The following UNC5A variants were observed in gnomAD, a reference collection of about 807,000 sequenced individuals.
The protein encoded by UNC5A is unc-5 netrin receptor A, also known as netrin receptor UNC5A.
In UNC5A, 20 loss-of-function variants were observed where a neutral mutation model predicts 87.4. The observed-to-expected ratio is 0.23, with a 90% CI of 0.16 to 0.33. The LOEUF (loss-of-function observed/expected upper bound fraction) is 0.33, where lower values mean the gene tolerates loss of function less well. UNC5A is among the 10% of genes least tolerant of loss of function. UNC5A has a pLI of 1.00. For synonymous variants in UNC5A, 438 were observed against 482.3 expected, an observed-to-expected ratio of 0.91 and a Z score of 1.20; for missense variants, 844 against 1,133.4, an observed-to-expected ratio of 0.74 and a Z score of 3.67.
chr5:176,849,501 C>T (rs1273431706), intron 1 of UNC5A, among the ~76,000 whole-genome samples: 1 of 152,210 alleles, frequency 6.6e-6, no homozygotes, highest in Non-Finnish European at 1.5e-5. Flanking sequence ...AGGAAAATCC[C>T]TTCAACCAGG....
At chr5:176,849,649 C>T (rs923073896) in intron 1 of UNC5A, among the ~76,000 whole-genome samples, 4 of 152,206 alleles carry the variant, frequency 2.6e-5, no homozygotes, top group African/African-American at 9.6e-5. Context: ...CCACTTTTCC[C>T]AGCCCCACCC....
chr5:176,840,175 C>A (rs1317552896), intron 1 of UNC5A, among the ~76,000 whole-genome samples: 1 of 152,142 alleles, frequency 6.6e-6, no homozygotes, highest in Admixed American at 6.5e-5. Flanking sequence ...AAAGTGTGAA[C>A]CTTCTTCACG....
chr5:176,836,950 A>G (rs971485579), intron 1 of UNC5A, among the ~76,000 whole-genome samples: 1 of 152,180 alleles, frequency 6.6e-6, no homozygotes, highest in African/African-American at 2.4e-5. Context: ...CTGATGTCAG[A>G]GGAAGTCCCT....
intron 1 of UNC5A, among the ~76,000 whole-genome samples, chr5:176,825,343 A>G (rs1203441802): frequency 6.6e-6 from 1 of 152,026 alleles, no homozygotes; most frequent in Non-Finnish European, 1.5e-5. Context: ...TAAGGTTTTG[A>G]GCAGGAGGGG....
At chr5:176,839,634 C>A (rs899067588) in intron 1 of UNC5A, among the ~76,000 whole-genome samples, 5 of 152,236 alleles carry the variant, frequency 3.3e-5, no homozygotes, top group Admixed American at 1.3e-4. Context: ...CCTGAAACTG[C>A]CCTGGCAGGG....
At chr5:176,840,526 C>G (rs1757249366) in intron 1 of UNC5A, among the ~76,000 whole-genome samples, 1 of 152,256 alleles carries the variant, frequency 6.6e-6, no homozygotes, top group African/African-American at 2.4e-5. Context: ...CTCTTCATCT[C>G]TTTCTGCCTT....
At chr5:176,862,533 C>A in intron 1 of UNC5A, 91 bp from the exon 2 acceptor site, 1 of 1,259,712 alleles carries the variant, frequency 7.9e-7, no homozygotes, top group Non-Finnish European at 1.1e-6. Context: ...TCCCATCTGC[C>A]CCAACCCACG....
chr5:176,863,147 G>A (rs1170407595), intron 2 of UNC5A, among the ~76,000 whole-genome samples: 1 of 152,234 alleles, frequency 6.6e-6, no homozygotes, highest in Non-Finnish European at 1.5e-5. Context: ...CGCCACCCTC[G>A]GAGCCCAAGT....
intron 1 of UNC5A, among the ~76,000 whole-genome samples, chr5:176,831,027 C>G (rs962025851): frequency 6.6e-6 from 1 of 151,772 alleles, no homozygotes; most frequent in East Asian, 1.9e-4. Flanking sequence ...GTTCCTGCAG[C>G]CTCGCTCTGT....
At position 176,866,117 on chromosome 5, in the gene UNC5A, C is replaced by T. The variant is rs978251842; in HGVS notation, c.293-2013C>T. Among the ~76,000 whole-genome samples the T allele has an allele frequency of 3.9e-5, 6 of 152,176 alleles. No homozygotes were observed. Among genetic ancestry groups the T allele is most frequent in the South Asian group, 4.1e-4 (2 of 4,826 alleles). ...ACACACCCGCCCAGGCCCACTGGCC[C>T]GGGGTCCCTCCCCAGGGCTGGCACC... On this transcript the variant is annotated intron_variant, in intron 2 of 14. Transcript: ENST00000329542. This position sits in a 1 kb window ranked among gnomAD's most constrained non-coding sequence, Gnocchi z 5.0.
intron 2 of UNC5A, among the ~76,000 whole-genome samples, chr5:176,867,121 A>T (rs905465089): frequency 6.6e-6 from 1 of 152,230 alleles, no homozygotes; most frequent in Non-Finnish European, 1.5e-5. Flanking sequence ...ATGGAAACAC[A>T]TTGGCTGCCG....
chr5:176,866,526 G>T lies in UNC5A; in HGVS notation c.293-1604G>T, dbSNP rs1182886245. On this transcript the variant is annotated intron_variant, in intron 2 of 14. Coordinates refer to ENST00000329542, the MANE Select transcript of UNC5A (RefSeq NM_133369.3). This position sits in a 1 kb window ranked among gnomAD's most constrained non-coding sequence, Gnocchi z 5.0. ...GGTGAGGCTCCTGAAGGAGGGCCGG[G>T]CTCCCCACAGCACCACGGGGGATGG... 6.6e-6 allele frequency among the ~76,000 whole-genome samples: 1 copy of T among 152,182 alleles called. No individual in the cohort carries two copies. Among genetic ancestry groups the T allele is most frequent in the Non-Finnish European group, 1.5e-5 (1 of 68,026 alleles).
chr5:176,816,653 G>C (rs943752639), intron 1 of UNC5A, among the ~76,000 whole-genome samples: 1 of 152,258 alleles, frequency 6.6e-6, no homozygotes, highest in Non-Finnish European at 1.5e-5. Context: ...TCCCTGCATG[G>C]CTTCAGTTTC....
In UNC5A at chr5:176,865,184, G is replaced by A. The variant is rs1358905342; in HGVS notation, c.292+2339G>A. Among the ~76,000 whole-genome samples, 1 of 152,202 alleles carries A rather than the reference G, an allele frequency of 6.6e-6. No homozygotes were observed. Among genetic ancestry groups the A allele is most frequent in the African/African-American group, 2.4e-5 (1 of 41,444 alleles). Reference sequence around the variant, plus strand: ...TCCCTTCAGCATAAGTTCTCCCACTGCTGTGGCAGGTCCCCCAGGGAAAGC... The same window carrying A: ...TCCCTTCAGCATAAGTTCTCCCACTACTGTGGCAGGTCCCCCAGGGAAAGC... On this transcript the variant is annotated intron_variant, in intron 2 of 14. Coordinates refer to ENST00000329542, the MANE Select transcript of UNC5A (RefSeq NM_133369.3). This position sits in a 1 kb window ranked among gnomAD's most constrained non-coding sequence, Gnocchi z 5.3.
Position 176,848,283 on chromosome 5 carries a change from A to G in UNC5A, c.71-14341A>G, listed in dbSNP as rs111961162. The stretch of plus-strand genomic sequence containing the variant: ...GCTTCTCTCTCCCCTGCTACCCCAA[A>G]GCACAAGAGGGTGTGCAGGGATCTG... On this transcript the variant is annotated intron_variant, in intron 1 of 14. Transcript: ENST00000329542. The surrounding 1 kb of genome is among the most constrained non-coding windows in gnomAD (Gnocchi z 5.8). Among the ~76,000 whole-genome samples the G allele has an allele frequency of 0.011, 1,728 of 152,032 alleles. 30 individuals are homozygous for G. The highest frequency in any genetic ancestry group is 0.039 in the African/African-American group (1,634 of 41,440).
chr5:176,850,856 T>C (rs1445573967), intron 1 of UNC5A, among the ~76,000 whole-genome samples: 1 of 151,980 alleles, frequency 6.6e-6, no homozygotes, highest in Admixed American at 6.6e-5. Flanking sequence ...GTGTGGGCAG[T>C]GGTGTATGTG....
intron 1 of UNC5A, among the ~76,000 whole-genome samples, chr5:176,820,210 A>G (rs949421513): frequency 6.6e-6 from 1 of 152,200 alleles, no homozygotes; most frequent in African/African-American, 2.4e-5. Context: ...ATCCTGGCTA[A>G]CATGGTGAAA....
At position 176,874,726 on chromosome 5, in the gene UNC5A, C is replaced by T. The variant is rs1359077486; in HGVS notation, c.1378+160C>T. Among the ~76,000 whole-genome samples, 2 of 152,194 alleles carry T rather than the reference C, an allele frequency of 1.3e-5. No individual in the cohort carries two copies. Among genetic ancestry groups the T allele is most frequent in the African/African-American group, 4.8e-5 (2 of 41,440 alleles). On this transcript the variant is annotated intron_variant, in intron 8 of 14. Transcript: ENST00000329542. This position sits in a 1 kb window ranked among gnomAD's most constrained non-coding sequence, Gnocchi z 7.6. Reference sequence around the variant, plus strand: ...ACCCAGTCTTGGCTGGCACCGAGGCCGTGGCCAGAGCTGTCTTCCTCTTGT... The same window carrying T: ...ACCCAGTCTTGGCTGGCACCGAGGCTGTGGCCAGAGCTGTCTTCCTCTTGT...
chr5:176,842,175 T>C (rs912249872), intron 1 of UNC5A, among the ~76,000 whole-genome samples: 1 of 152,214 alleles, frequency 6.6e-6, no homozygotes, highest in African/African-American at 2.4e-5. Context: ...CCAGCCTGGA[T>C]GATAGAGCGA....
Sources: gnomAD v4.1 joint callset for allele counts (sites outside exome capture counted in the v4.1 genomes callset) on GRCh38, gnomAD v4.1.1 for gene constraint, Gnocchi (gnomAD v3.1) non-coding constraint, MANE v1.5 for transcripts, NCBI Gene and HGNC (gene_info 2026-07-23, HGNC 2026-07-21) for gene names.